The following FBXL17 variants were observed in gnomAD, a reference collection of about 807,000 sequenced individuals.
FBXL17 encodes the protein F-box and leucine rich repeat protein 17.
FBXL17 carries 22 observed loss-of-function variants against 66.2 expected under a neutral mutation model. That is an observed-to-expected ratio of 0.33 (90% CI 0.24 to 0.47). FBXL17 has a LOEUF of 0.47. Ranked by LOEUF, FBXL17 falls within the 20% of genes least tolerant of loss-of-function variation. FBXL17 has a pLI of 1.00. For synonymous variants in FBXL17, 474 were observed against 400.5 expected, an observed-to-expected ratio of 1.18 and a Z score of -2.19; for missense variants, 878 against 948.2, an observed-to-expected ratio of 0.93 and a Z score of 0.97.
intron 4 of FBXL17, among the ~76,000 whole-genome samples, chr5:108,285,312 TC>T (rs1294105114): frequency 2.0e-5 from 3 of 151,890 alleles, no homozygotes; most frequent in African/African-American, 7.2e-5. Flanking sequence ...TATTTTGGCC[TC>T]CTCCCATGAA....
At chr5:107,916,046 CT>C (rs1750116083) in intron 7 of FBXL17, among the ~76,000 whole-genome samples, 1 of 152,174 alleles carries the variant, frequency 6.6e-6, no homozygotes, top group Admixed American at 6.5e-5. Flanking sequence ...ATGGGGCAGT[CT>C]AATAAGAATA....
At chr5:108,289,296 A>G (rs1194648977) in intron 4 of FBXL17, among the ~76,000 whole-genome samples, 2 of 152,164 alleles carry the variant, frequency 1.3e-5, no homozygotes, top group African/African-American at 2.4e-5. Flanking sequence ...AATTTAATTC[A>G]AAAATGTTTT....
At chr5:108,167,817 T>C (rs1247219932) in intron 6 of FBXL17, among the ~76,000 whole-genome samples, 1 of 152,042 alleles carries the variant, frequency 6.6e-6, no homozygotes, top group East Asian at 1.9e-4. Context: ...TGAGAAAATG[T>C]CATCAGAAAA....
At chr5:108,063,314 A>G (rs1490883106) in intron 6 of FBXL17, among the ~76,000 whole-genome samples, 2 of 152,220 alleles carry the variant, frequency 1.3e-5, no homozygotes, top group African/African-American at 2.4e-5. Flanking sequence ...AGGAGACACC[A>G]TAGTGTCTTG....
intron 7 of FBXL17, among the ~76,000 whole-genome samples, chr5:107,988,338 T>G (rs1034952921): frequency 6.6e-6 from 1 of 151,862 alleles, no homozygotes; most frequent in African/African-American, 2.4e-5. Flanking sequence ...TGGTCAACAC[T>G]TTCCCTCCAC....
intron 4 of FBXL17, chr5:108,299,226 A>G: frequency 1.0e-6 from 1 of 985,246 alleles, no homozygotes; most frequent in South Asian, 4.7e-5. Context: ...TACATACAGG[A>G]TAAATTCCCA....
rs796740414 is a variant in FBXL17 at position 108,337,447 on chromosome 5, T to C, written c.1506+10952A>G. Among the ~76,000 whole-genome samples the C allele has an allele frequency of 6.6e-5, 10 of 152,204 alleles. 1 individual carries two copies. Among genetic ancestry groups the C allele is most frequent in the African/African-American group, 2.4e-4 (10 of 41,532 alleles). Reference sequence around the variant, plus strand: ...AGAATATACAGGTTTCTTTAACGTGTATGCAAACGATCTCATTCTTATTCC... The same window carrying C: ...AGAATATACAGGTTTCTTTAACGTGCATGCAAACGATCTCATTCTTATTCC... On this transcript the variant is annotated intron_variant, in intron 4 of 8. Coordinates refer to ENST00000542267, the MANE Select transcript of FBXL17 (RefSeq NM_001163315.3).
intron 6 of FBXL17, among the ~76,000 whole-genome samples, chr5:108,179,081 A>G (rs1026420866): frequency 7.9e-5 from 12 of 152,232 alleles, no homozygotes; most frequent in African/African-American, 2.9e-4. Flanking sequence ...TAGATTATCT[A>G]TCCAGACCTT....
intron 7 of FBXL17, among the ~76,000 whole-genome samples, chr5:107,887,618 TAGAAGCCACAG>T (rs1179729106): frequency 6.6e-6 from 1 of 152,304 alleles, no homozygotes; most frequent in African/African-American, 2.4e-5. Context: ...CTCTTCTTTG[TAGAAGCCACAG>T]AAGCTCCAAA....
At chr5:108,211,729 AC>A (rs1412278355) in intron 5 of FBXL17, among the ~76,000 whole-genome samples, 1 of 152,138 alleles carries the variant, frequency 6.6e-6, no homozygotes, top group Non-Finnish European at 1.5e-5. Context: ...TTTGTGGGTA[AC>A]CCAACCTTTC....
intron 6 of FBXL17, among the ~76,000 whole-genome samples, chr5:108,107,827 A>C (rs1245448206): frequency 6.9e-6 from 1 of 144,246 alleles, no homozygotes; most frequent in African/African-American, 2.5e-5. Context: ...AAAAAAAGAA[A>C]AGAAAAAAGA....
intron 6 of FBXL17, among the ~76,000 whole-genome samples, chr5:108,056,141 T>C (rs954787196): frequency 2.6e-5 from 4 of 152,244 alleles, no homozygotes; most frequent in Admixed American, 6.5e-5. Flanking sequence ...TTTTATACCC[T>C]ACACACATTC....
intron 6 of FBXL17, among the ~76,000 whole-genome samples, chr5:108,140,269 C>T (rs1256607697): frequency 2.0e-5 from 3 of 152,166 alleles, no homozygotes; most frequent in Admixed American, 6.5e-5. Context: ...TGGCCTCCAA[C>T]TCCTGGGGTC....
At chr5:108,332,850 C>A (rs1206349027) in intron 4 of FBXL17, among the ~76,000 whole-genome samples, 1 of 150,930 alleles carries the variant, frequency 6.6e-6, no homozygotes, top group Admixed American at 6.6e-5. Context: ...CTCAAGTGAT[C>A]CACCGCCTCG....
intron 7 of FBXL17, among the ~76,000 whole-genome samples, chr5:107,928,886 T>G (rs1463133860): frequency 6.6e-6 from 1 of 152,064 alleles, no homozygotes; most frequent in Non-Finnish European, 1.5e-5. Context: ...CCTCATCACC[T>G]CTCTGGAAAA....
At chr5:108,326,965 T>C (rs1242076343) in intron 4 of FBXL17, among the ~76,000 whole-genome samples, 2 of 152,142 alleles carry the variant, frequency 1.3e-5, no homozygotes, top group East Asian at 3.9e-4. Flanking sequence ...GCCAACTCAT[T>C]CCTTAAAATT....
chr5:108,199,913 C>T lies in FBXL17; in HGVS notation c.1615-13666G>A, dbSNP rs561849451. Among the ~76,000 whole-genome samples the T allele has an allele frequency of 1.8e-4, 28 of 152,178 alleles. No individual in the cohort carries two copies. In the Middle Eastern group the frequency reaches 0.01, roughly 55 times the overall value. ...TAAGAAGACAAACTGGATATGGTAG[C>T]GTAAGCCAGAAACTTAGCAACAGCA... On this transcript the variant is annotated intron_variant, in intron 5 of 8. Coordinates refer to ENST00000542267, the MANE Select transcript of FBXL17 (RefSeq NM_001163315.3).
intron 6 of FBXL17, among the ~76,000 whole-genome samples, chr5:108,131,400 T>A (rs1750925269): frequency 6.6e-6 from 1 of 152,146 alleles, no homozygotes; most frequent in Non-Finnish European, 1.5e-5. Context: ...AGAGTCCTCA[T>A]TAATAGGATG....
intron 7 of FBXL17, among the ~76,000 whole-genome samples, chr5:107,898,202 T>G (rs1034257971): frequency 6.6e-6 from 1 of 152,146 alleles, no homozygotes; most frequent in Non-Finnish European, 1.5e-5. Flanking sequence ...AAGTGGGCAC[T>G]GAAACTAAAG....
Sources: gnomAD v4.1 joint callset for allele counts (sites outside exome capture counted in the v4.1 genomes callset) on GRCh38, gnomAD v4.1.1 for gene constraint, MANE v1.5 for transcripts, NCBI Gene and HGNC (gene_info 2026-07-23, HGNC 2026-07-21) for gene names.